Variants in DYNC1I2 observed in about 807,000 individuals in gnomAD.
The protein encoded by DYNC1I2 is dynein cytoplasmic 1 intermediate chain 2.
Under a neutral mutation model 88.6 loss-of-function variants are expected in DYNC1I2, and 53 were observed. That is an observed-to-expected ratio of 0.60 (90% CI 0.48 to 0.75). DYNC1I2 has a LOEUF of 0.75. Ranked by LOEUF, DYNC1I2 falls within the 30% of genes least tolerant of loss-of-function variation. DYNC1I2 has a pLI of 0.00. For missense variants in DYNC1I2, 458 were observed against 766.6 expected, an observed-to-expected ratio of 0.60 and a Z score of 4.75; for synonymous variants, 198 against 254.6, an observed-to-expected ratio of 0.78 and a Z score of 2.12.
chr2:171,727,694 A>T, intron 11 of DYNC1I2, 127 bp from the exon 12 acceptor site: 1 of 628,526 alleles, frequency 1.6e-6, no homozygotes, highest in Non-Finnish European at 2.5e-6. Context: ...TAATTTACTT[A>T]GTTGTTTTTA....
At chr2:171,727,793 C>G in intron 11 of DYNC1I2, 28 bp from the exon 12 acceptor site, 1 of 1,597,846 alleles carries the variant, frequency 6.3e-7, no homozygotes, top group Non-Finnish European at 8.5e-7. Context: ...ATTTGAATCT[C>G]AAGTATAAAA....
In DYNC1I2 at chr2:171,729,779, G is replaced by C; in HGVS notation, c.1462G>C (p.Val488Leu). The C allele has an allele frequency of 6.2e-7, 1 of 1,613,724 alleles. No individual in the cohort carries two copies. The highest frequency in any genetic ancestry group is 8.5e-7 in the Non-Finnish European group (1 of 1,179,788). The change falls in exon 15 of 18, where the codon GTT becomes CTT. Residue 488 changes from valine (V) to leucine (L), a missense_variant. Physicochemically the swap from Val to Leu is conservative, Grantham distance 32 (BLOSUM62 1). Coordinates refer to ENST00000397119, the MANE Select transcript of DYNC1I2 (RefSeq NM_001378.3). ...CACTGGCATCCATTGTCATGCAGCT[G>C]TTGGAGCAGTAGACTTCTCACATCT... is the stretch of plus-strand genomic sequence containing the variant. ...PITGIHCHAAVGAVDFSHLFV... is the reference protein window; with the variant it reads ...PITGIHCHAALGAVDFSHLFV...
chr2:171,704,044 C>G (rs1189354939), intron 3 of DYNC1I2, among the ~76,000 whole-genome samples: 1 of 152,128 alleles, frequency 6.6e-6, no homozygotes, highest in Non-Finnish European at 1.5e-5. Flanking sequence ...AAAAATAATT[C>G]AGCTATGTGC....
Position 171,744,094 on chromosome 2 carries a change from T to C in DYNC1I2, c.1582T>C (p.Tyr528His), listed in dbSNP as rs779192801. 1 of 1,612,982 alleles carries C rather than the reference T, an allele frequency of 6.2e-7. No individual in the cohort carries two copies. The highest frequency in any genetic ancestry group is 8.5e-7 in the Non-Finnish European group (1 of 1,179,642). The change falls in exon 16 of 18, where the codon TAT becomes CAT. Residue 528 changes from tyrosine (Y) to histidine (H), a missense_variant. Around this residue, in one of 5 missense-constraint regions of DYNC1I2, gnomAD observed 188 missense variants for 300.4 expected, o/e 0.63. Coordinates refer to ENST00000397119, the MANE Select transcript of DYNC1I2 (RefSeq NM_001378.3). Reference sequence around the variant, plus strand: ...ATTTGAAGATAATGCAGACTATGTTTATGATGTTATGTGGTCACCTACCCA... The same window carrying C: ...ATTTGAAGATAATGCAGACTATGTTCATGATGTTATGTGGTCACCTACCCA... ...YSFEDNADYV[Y>H]DVMWSPTHPA...
At chr2:171,707,100 A>G (rs910530271) in intron 4 of DYNC1I2, 187 bp from the exon 5 acceptor site, 12 of 741,318 alleles carry the variant, frequency 1.6e-5, no homozygotes, top group Non-Finnish European at 1.5e-5. Context: ...TTCAGCATGC[A>G]TTGTTAACTT....
chr2:171,737,927 A>T, intron 15 of DYNC1I2, among the ~76,000 whole-genome samples: 1 of 151,468 alleles, frequency 6.6e-6, no homozygotes, highest in East Asian at 1.9e-4. Flanking sequence ...CCTAGTAACC[A>T]TTTCCTGATA....
chr2:171,725,841 A>G (rs1449166394), intron 8 of DYNC1I2, 78 bp from the exon 9 acceptor site: 4 of 1,330,508 alleles, frequency 3.0e-6, no homozygotes, highest in African/African-American at 1.5e-5. Flanking sequence ...AATAACATAC[A>G]TTGATCCATA....
chr2:171,700,746 C>G (rs952667804), intron 3 of DYNC1I2, among the ~76,000 whole-genome samples: 2 of 152,146 alleles, frequency 1.3e-5, no homozygotes, highest in African/African-American at 2.4e-5. Context: ...ATTCTCCTGC[C>G]TCAGCATCCA....
chr2:171,740,888 C>T (rs1689375655), intron 15 of DYNC1I2, among the ~76,000 whole-genome samples: 1 of 152,118 alleles, frequency 6.6e-6, no homozygotes, highest in South Asian at 2.1e-4. Context: ...GCCTAATTGC[C>T]AGTATCTAAT....
At chr2:171,699,405 C>T (rs991898363) in intron 3 of DYNC1I2, among the ~76,000 whole-genome samples, 19 of 152,108 alleles carry the variant, frequency 1.2e-4, no homozygotes, top group African/African-American at 3.6e-4. Flanking sequence ...TTATACTATC[C>T]ATGTTCATTG....
At chr2:171,713,976 GT>G (rs1160906121) in intron 6 of DYNC1I2, among the ~76,000 whole-genome samples, 1 of 151,994 alleles carries the variant, frequency 6.6e-6, no homozygotes, top group Non-Finnish European at 1.5e-5. Flanking sequence ...TAGTATTATG[GT>G]TTTTTCTGTT....
intron 15 of DYNC1I2, among the ~76,000 whole-genome samples, chr2:171,740,425 T>A (rs1324026295): frequency 6.6e-6 from 1 of 152,232 alleles, no homozygotes; most frequent in Non-Finnish European, 1.5e-5. Flanking sequence ...TTGCATACCT[T>A]AGTTACTCTG....
At chr2:171,717,960 T>C (rs1687631745) in intron 7 of DYNC1I2, among the ~76,000 whole-genome samples, 1 of 131,320 alleles carries the variant, frequency 7.6e-6, no homozygotes, top group South Asian at 2.2e-4. Flanking sequence ...GAAGACTTTC[T>C]TTTTTTTTTT....
intron 5 of DYNC1I2, among the ~76,000 whole-genome samples, chr2:171,708,971 G>T (rs187325530): frequency 6.6e-6 from 1 of 152,170 alleles, no homozygotes; most frequent in African/African-American, 2.4e-5. Flanking sequence ...GGGATTATAG[G>T]CATGAGCCAC....
chr2:171,743,596 T>C (rs941883115), intron 15 of DYNC1I2, among the ~76,000 whole-genome samples: 5 of 152,202 alleles, frequency 3.3e-5, no homozygotes, highest in African/African-American at 4.8e-5. Flanking sequence ...CTTGTAGTTG[T>C]GAGAGGTTTG....
At chr2:171,736,210 C>G (rs941818986) in intron 15 of DYNC1I2, among the ~76,000 whole-genome samples, 1 of 152,108 alleles carries the variant, frequency 6.6e-6, no homozygotes, top group Non-Finnish European at 1.5e-5. Flanking sequence ...TCATCTGGAC[C>G]GAGGCCTGCG....
intron 15 of DYNC1I2, among the ~76,000 whole-genome samples, chr2:171,732,494 A>T (rs1307266446): frequency 6.6e-6 from 1 of 152,252 alleles, no homozygotes; most frequent in Non-Finnish European, 1.5e-5. Context: ...ACAGGGATTT[A>T]ACTCTTGTTT....
intron 15 of DYNC1I2, among the ~76,000 whole-genome samples, chr2:171,735,993 A>G (rs1688978281): frequency 6.6e-6 from 1 of 152,188 alleles, no homozygotes. Flanking sequence ...TGTAGTCCAT[A>G]CACATCTTGA....
chr2:171,750,067 T>G lies in DYNC1I2; in HGVS notation c.*2178T>G, dbSNP rs1167730168. Among the ~76,000 whole-genome samples the G allele has an allele frequency of 2.6e-5, 4 of 152,220 alleles. No individual in the cohort carries two copies. In the East Asian group the frequency reaches 7.7e-4, roughly 29 times the overall value. The stretch of plus-strand genomic sequence containing the variant: ...ATTTTTCGTTGTTTGGTTTTTGTCT[T>G]TTTGAGTGGAACGTTAAAGTTTATT... On this transcript the variant is annotated 3_prime_UTR_variant, in exon 18 of 18. Transcript: ENST00000397119.
Sources: gnomAD v4.1 joint callset for allele counts (sites outside exome capture counted in the v4.1 genomes callset) on GRCh38, gnomAD v4.1.1 for gene constraint, gnomAD v4.1.1 regional missense constraint, MANE v1.5 for transcripts, NCBI Gene and HGNC (gene_info 2026-07-23, HGNC 2026-07-21) for gene names.